Variants in SQLE observed in about 807,000 individuals in gnomAD.
SQLE encodes squalene monooxygenase.
SQLE carries 29 observed loss-of-function variants against 60.7 expected under a neutral mutation model. The ratio of observed to expected loss-of-function variants is 0.48; its 90% CI spans 0.36 to 0.65. The LOEUF (loss-of-function observed/expected upper bound fraction) is 0.65. SQLE is among the 30% of genes least tolerant of loss of function. The pLI is 0.00. For synonymous variants in SQLE, 237 were observed against 246.8 expected, an observed-to-expected ratio of 0.96 and a Z score of 0.37; for missense variants, 605 against 684.1, an observed-to-expected ratio of 0.88 and a Z score of 1.29.
At chr8:125,008,819 G>GT (rs1343366333) in intron 4 of SQLE, among the ~76,000 whole-genome samples, 152 bp from the exon 5 acceptor site, 2 of 152,194 alleles carry the variant, frequency 1.3e-5, no homozygotes, top group African/African-American at 4.8e-5. Context: ...TGAAGCCCAC[G>GT]TAACAGTTTC....
intron 1 of SQLE, among the ~76,000 whole-genome samples, chr8:125,002,502 G>A (rs199685867): frequency 4.4e-4 from 67 of 151,966 alleles, no homozygotes; most frequent in Non-Finnish European, 8.7e-4. Context: ...ACATGGAGAA[G>A]CCCAGTCTCT....
rs1815112264 is a variant in SQLE, at chr8:125,016,396, A to G, written c.1205-1663A>G. On this transcript the variant is annotated intron_variant, in intron 7 of 10. Transcript: ENST00000265896. The surrounding 1 kb of genome is among the most constrained non-coding windows in gnomAD (Gnocchi z 4.1). ...TCAGTTCTACTGTTGAGATTCTGCC[A>G]TGTTCTTCAGTAAGTTAATTGAATT... is the stretch of plus-strand genomic sequence containing the variant. Among the ~76,000 whole-genome samples, 1 of 151,932 alleles carries G rather than the reference A, an allele frequency of 6.6e-6. No homozygotes were observed. Among genetic ancestry groups the G allele is most frequent in the African/African-American group, 2.4e-5 (1 of 41,340 alleles).
Position 125,018,662 on chromosome 8 carries a change from C to T in SQLE, c.1379C>T (p.Thr460Ile), listed in dbSNP as rs1181495800. ...AAATCATTTTACTGGGCAAGAAAAA[C>T]ATCTCATTCCTTTGTCGTGAATATC... is the stretch of plus-strand genomic sequence containing the variant. ...AKKSFYWARKTSHSFVVNILA... is the reference protein window; with the variant it reads ...AKKSFYWARKISHSFVVNILA... Residue 460 changes from threonine (T) to isoleucine (I), a missense_variant, in exon 9 of 11, where the codon ACA becomes ATA. Physicochemically the swap from Thr to Ile is moderately conservative, Grantham distance 89. Coordinates refer to ENST00000265896, the MANE Select transcript of SQLE (RefSeq NM_003129.4). 6.2e-7 allele frequency: 1 copy of T among 1,603,984 alleles called. No homozygotes were observed.
At position 125,016,969 on chromosome 8, in the gene SQLE, C is replaced by A. The variant is rs1815120665; in HGVS notation, c.1205-1090C>A. ...TTCTCTTCCCTTACTTTCCCCCAAACAGAGTCTGTCCTTCTTTGTTGAGCT... is the reference window on the plus strand; with the variant it reads ...TTCTCTTCCCTTACTTTCCCCCAAAAAGAGTCTGTCCTTCTTTGTTGAGCT... On this transcript the variant is annotated intron_variant, in intron 7 of 10. Transcript: ENST00000265896. This position sits in a 1 kb window ranked among gnomAD's most constrained non-coding sequence, Gnocchi z 4.1. Among the ~76,000 whole-genome samples the A allele has an allele frequency of 6.6e-6, 1 of 152,162 alleles. No homozygotes were observed. The highest frequency in any genetic ancestry group is 1.9e-4 in the East Asian group (1 of 5,174).
At position 124,999,017 on chromosome 8, in the gene SQLE, A is replaced by G. The variant is rs1032143100; in HGVS notation, c.-387A>G. ...TGAAAGGGCACCTGCTCTTGGTGAGAAAAGAAATTATAGCACGAAGAGCCA... is the reference window on the plus strand; with the variant it reads ...TGAAAGGGCACCTGCTCTTGGTGAGGAAAGAAATTATAGCACGAAGAGCCA... On this transcript the variant is annotated 5_prime_UTR_variant, in exon 1 of 11. Coordinates refer to ENST00000265896, the MANE Select transcript of SQLE (RefSeq NM_003129.4). 1.8e-5 allele frequency: 5 copies of G among 274,310 alleles called. No individual in the cohort carries two copies. The South Asian group carries it at 7.8e-4, about 43-fold the overall frequency. The allele number at this position is 274,310 out of a possible 1,614,324, so 17.0% of individuals were successfully genotyped here.
At chr8:125,006,615 G>C (rs142611912) in intron 3 of SQLE, among the ~76,000 whole-genome samples, 44,786 of 138,478 alleles carry the variant, frequency 0.32, 8,829 homozygotes, top group African/African-American at 0.52. Context: ...AGCGAGACTT[G>C]GTCTCAAAAA....
chr8:125,021,223 C>A, intron 10 of SQLE, among the ~76,000 whole-genome samples: 1 of 152,000 alleles, frequency 6.6e-6, no homozygotes, highest in South Asian at 2.1e-4. Flanking sequence ...CTTATACAAC[C>A]CAGTATTAGT....
chr8:125,002,832 G>A (rs1396414009), intron 1 of SQLE, among the ~76,000 whole-genome samples: 2 of 152,138 alleles, frequency 1.3e-5, no homozygotes, highest in Admixed American at 1.3e-4. Context: ...GATACAGTTT[G>A]CCCTATAATA....
Position 125,005,600 on chromosome 8 carries a change from A to T in SQLE, c.620A>T (p.Gln207Leu). 6.2e-7 allele frequency: 1 copy of T among 1,612,462 alleles called. No individual in the cohort carries two copies. Among genetic ancestry groups the T allele is most frequent in the Non-Finnish European group, 8.5e-7 (1 of 1,178,894 alleles). ...IHDQESKSEVQIPYPLSENNQ... is the reference protein window; with the variant it reads ...IHDQESKSEVLIPYPLSENNQ... Reference sequence around the variant, plus strand: ...GATCAGGAAAGCAAATCAGAGGTTCAGATTCCTTACCCTCTGTCAGAAAAC... The same window carrying T: ...GATCAGGAAAGCAAATCAGAGGTTCTGATTCCTTACCCTCTGTCAGAAAAC... The change falls in exon 3 of 11, where the codon CAG becomes CTG. Residue 207 changes from glutamine to leucine, a missense_variant. Coordinates refer to ENST00000265896, the MANE Select transcript of SQLE (RefSeq NM_003129.4).
chr8:125,011,398 TGA>T, intron 6 of SQLE, 137 bp from the exon 7 acceptor site: 1 of 566,560 alleles, frequency 1.8e-6, no homozygotes, highest in Non-Finnish European at 3.0e-6. Flanking sequence ...AATTAGTTCT[TGA>T]TTTATCACAA....
chr8:125,007,328 T>C, intron 3 of SQLE, 63 bp from the exon 4 acceptor site: 4 of 1,255,920 alleles, frequency 3.2e-6, no homozygotes, highest in Non-Finnish European at 4.4e-6. Flanking sequence ...GATAAGGAAT[T>C]TATATTTAAT....
intron 7 of SQLE, 72 bp downstream of exon 7, chr8:125,011,704 T>C: frequency 7.8e-7 from 1 of 1,279,082 alleles, no homozygotes; most frequent in South Asian, 1.3e-5. Context: ...AAATTTATAC[T>C]GTTACGAATA....
At position 124,999,268 on chromosome 8, in the gene SQLE, C is replaced by A; in HGVS notation, c.-136C>A. The A allele has an allele frequency of 1.3e-6, 1 of 797,880 alleles. No individual in the cohort carries two copies. Among genetic ancestry groups the A allele is most frequent in the Non-Finnish European group, 1.7e-6 (1 of 576,896 alleles). The allele number at this position is 797,880 out of a possible 1,614,324, so 49.4% of individuals were successfully genotyped here. On this transcript the variant is annotated 5_prime_UTR_variant, in exon 1 of 11. Transcript: ENST00000265896. ...TAAAAACTGGTCTGATCGGACTTCTCGTCCTGGGACACTGTTTACTGGAGT... is the reference window on the plus strand; with the variant it reads ...TAAAAACTGGTCTGATCGGACTTCTAGTCCTGGGACACTGTTTACTGGAGT...
chr8:125,021,541 A>G (rs56378701), intron 10 of SQLE, among the ~76,000 whole-genome samples: 30,339 of 139,310 alleles, frequency 0.22, 5,120 homozygotes, highest in African/African-American at 0.46. Flanking sequence ...AAAAAAAAAA[A>G]GGGGGGTGGG....
intron 1 of SQLE, 34 bp downstream of exon 1, chr8:124,999,728 T>G (rs374714705): frequency 1.2e-5 from 18 of 1,536,854 alleles, no homozygotes; most frequent in Non-Finnish European, 1.5e-5. Flanking sequence ...GATGAATGTC[T>G]TATTTAGGAG....
chr8:125,001,484 G>C (rs780116162), intron 1 of SQLE, among the ~76,000 whole-genome samples: 3 of 120,394 alleles, frequency 2.5e-5, no homozygotes, highest in Non-Finnish European at 5.4e-5. Context: ...GTGTGTGTGT[G>C]TGTGTATATA....
chr8:125,018,633 CA>C lies in SQLE; in HGVS notation c.1356del (p.Lys452AsnfsTer15). ...TAAATGAGCTATTTCTTTTTTAGGC[CA>C]AAAAATCATTTTACTGGGCAAGAAA... ...LYDDAAIFEA[K>X]KSFYWARKTS... On this transcript the variant is annotated frameshift_variant, in exon 9 of 11. Transcript: ENST00000265896. LOFTEE classifies it high-confidence loss of function. 1 of 1,594,728 alleles carries C rather than the reference CA, an allele frequency of 6.3e-7. No individual in the cohort carries two copies. Among genetic ancestry groups the C allele is most frequent in the African/African-American group, 1.4e-5 (1 of 73,870 alleles).
At position 124,998,920 on chromosome 8, in the gene SQLE, G is replaced by T; in HGVS notation, c.-484G>T. ...TGCCTTCCGGCCGCTGCTCGCCGTC[G>T]CCAGAGGCTAGGCCACGTTTCCCCC... On this transcript the variant is annotated 5_prime_UTR_variant, in exon 1 of 11. Transcript: ENST00000265896. The T allele has an allele frequency of 2.8e-6, 1 of 357,632 alleles. No homozygotes were observed. Among genetic ancestry groups the T allele is most frequent in the Non-Finnish European group, 5.0e-6 (1 of 199,612 alleles). The allele number at this position is 357,632 out of a possible 1,614,324, so 22.2% of individuals were successfully genotyped here. A position where few individuals can be genotyped will look rare whatever the true frequency, so the allele number is the denominator to read the frequency against.
At chr8:125,001,367 A>G (rs1374870536) in intron 1 of SQLE, among the ~76,000 whole-genome samples, 1 of 151,674 alleles carries the variant, frequency 6.6e-6, no homozygotes, top group Non-Finnish European at 1.5e-5. Context: ...ATTGTGATCT[A>G]TTGACTACTA....
Sources: allele counts gnomAD v4.1 joint callset (sites outside exome capture counted in the v4.1 genomes callset), GRCh38; gene constraint gnomAD v4.1.1; non-coding constraint Gnocchi (gnomAD v3.1); transcripts MANE v1.5; gene names NCBI Gene and HGNC (gene_info 2026-07-23, HGNC 2026-07-21).